MARCHF1: variants seen among roughly 807,000 people sequenced by gnomAD.
MARCHF1 encodes the protein membrane associated ring-CH-type finger 1.
Under a neutral mutation model 54.2 loss-of-function variants are expected in MARCHF1, and 40 were observed. The observed-to-expected ratio is 0.74, with a 90% CI of 0.57 to 0.96. The LOEUF is 0.96. Ranked by LOEUF, MARCHF1 falls within the 40% of genes least tolerant of loss-of-function variation. The pLI is 0.00. For missense variants in MARCHF1, 586 were observed against 656.5 expected (o/e 0.89, Z 1.17); for synonymous variants, 236 against 236.3 (o/e 1.00, Z 0.01).
chr4:164,204,467 T>G (rs1731551092), intron 1 of MARCHF1, among the ~76,000 whole-genome samples: 1 of 152,210 alleles, frequency 6.6e-6, no homozygotes, highest in African/African-American at 2.4e-5. Context: ...GGGAAAATAA[T>G]ATGAGCTTTT....
chr4:164,238,736 A>C (rs1732640554), intron 1 of MARCHF1, among the ~76,000 whole-genome samples: 1 of 152,010 alleles, frequency 6.6e-6, no homozygotes, highest in Non-Finnish European at 1.5e-5. Flanking sequence ...TAAATATATG[A>C]AACAAAACCC....
chr4:164,098,398 G>A (rs1056593766), intron 2 of MARCHF1, among the ~76,000 whole-genome samples: 16 of 152,142 alleles, frequency 1.1e-4, no homozygotes, highest in African/African-American at 3.9e-4. Context: ...AAGATCACCA[G>A]GAAGTGCTTG....
At chr4:163,882,829 G>T (rs1474577657) in intron 3 of MARCHF1, among the ~76,000 whole-genome samples, 1 of 151,998 alleles carries the variant, frequency 6.6e-6, no homozygotes, top group African/African-American at 2.4e-5. Flanking sequence ...AATTATCAGG[G>T]CGTGTGGTGC....
chr4:163,618,953 T>A (rs967882930), intron 5 of MARCHF1, among the ~76,000 whole-genome samples: 1 of 151,992 alleles, frequency 6.6e-6, no homozygotes, highest in Non-Finnish European at 1.5e-5. Flanking sequence ...GAGACGCCTG[T>A]CCAACACAAG....
At chr4:163,959,895 G>A (rs1211781837) in intron 3 of MARCHF1, among the ~76,000 whole-genome samples, 1 of 151,908 alleles carries the variant, frequency 6.6e-6, no homozygotes, top group Non-Finnish European at 1.5e-5. Flanking sequence ...CACAATGGGA[G>A]AAAATATTTG....
chr4:163,899,763 TACACACAC>T (rs70948674), intron 3 of MARCHF1, among the ~76,000 whole-genome samples: 11 of 148,838 alleles, frequency 7.4e-5, no homozygotes, highest in South Asian at 2.1e-4. Flanking sequence ...TCTCACCCAC[TACACACAC>T]ACACACACAC....
intron 2 of MARCHF1, among the ~76,000 whole-genome samples, chr4:164,036,483 A>T (rs1304319663): frequency 6.6e-6 from 1 of 152,214 alleles, no homozygotes; most frequent in Non-Finnish European, 1.5e-5. Flanking sequence ...TTAAATATAA[A>T]TATGTGGAAT....
intron 2 of MARCHF1, among the ~76,000 whole-genome samples, chr4:163,992,163 A>G (rs1175100979): frequency 8.5e-5 from 13 of 152,112 alleles, no homozygotes; most frequent in African/African-American, 2.9e-4. Context: ...CAAGGAACCA[A>G]GTAAACATCT....
intron 1 of MARCHF1, among the ~76,000 whole-genome samples, chr4:164,344,538 T>C (rs1277038600): frequency 6.6e-6 from 1 of 152,090 alleles, no homozygotes. Flanking sequence ...TCTGCACTGA[T>C]AAAATTTGAT....
At chr4:164,285,925 T>TA (rs896623892) in intron 1 of MARCHF1, among the ~76,000 whole-genome samples, 1 of 149,330 alleles carries the variant, frequency 6.7e-6, no homozygotes, top group African/African-American at 2.5e-5. Context: ...GAACTTCTCA[T>TA]AAAAAAATTA....
intron 5 of MARCHF1, among the ~76,000 whole-genome samples, chr4:163,623,627 T>C (rs141451477): frequency 8.7e-4 from 132 of 152,300 alleles, no homozygotes; most frequent in African/African-American, 3.1e-3. Flanking sequence ...GGTGGAAAAT[T>C]CTAAGAGATA....
At chr4:163,652,393 G>T (rs886657816) in intron 5 of MARCHF1, among the ~76,000 whole-genome samples, 11 of 151,748 alleles carry the variant, frequency 7.2e-5, no homozygotes, top group African/African-American at 2.7e-4. Flanking sequence ...TATTCACCAT[G>T]AGCTAGCCAT....
At chr4:163,750,949 A>T (rs1213470876) in intron 4 of MARCHF1, among the ~76,000 whole-genome samples, 1 of 152,084 alleles carries the variant, frequency 6.6e-6, no homozygotes, top group East Asian at 1.9e-4. Flanking sequence ...AAGGAAAAAA[A>T]TTATTGAACT....
intron 1 of MARCHF1, among the ~76,000 whole-genome samples, chr4:164,335,154 T>C (rs1009223253): frequency 2.0e-5 from 3 of 152,196 alleles, no homozygotes; most frequent in African/African-American, 7.2e-5. Context: ...GAAAAGGCAG[T>C]GGCAGGGTTT....
At chr4:163,962,489 T>C (rs1404572266) in intron 3 of MARCHF1, among the ~76,000 whole-genome samples, 1 of 151,890 alleles carries the variant, frequency 6.6e-6, no homozygotes, top group Non-Finnish European at 1.5e-5. Flanking sequence ...ATTTAAATGG[T>C]GTAAGGAATG....
At chr4:164,027,007 A>G (rs1753783733) in intron 2 of MARCHF1, among the ~76,000 whole-genome samples, 1 of 152,034 alleles carries the variant, frequency 6.6e-6, no homozygotes, top group Non-Finnish European at 1.5e-5. Flanking sequence ...AAAATGAAAT[A>G]CCTAGTAATA....
chr4:163,795,430 A>C (rs1208400216), intron 4 of MARCHF1, among the ~76,000 whole-genome samples: 2 of 152,026 alleles, frequency 1.3e-5, no homozygotes, highest in Non-Finnish European at 2.9e-5. Flanking sequence ...GGGTTTCACT[A>C]TGTTGGCCAG....
At chr4:163,788,361 T>C (rs1226710412) in intron 4 of MARCHF1, among the ~76,000 whole-genome samples, 1 of 152,012 alleles carries the variant, frequency 6.6e-6, no homozygotes, top group Non-Finnish European at 1.5e-5. Flanking sequence ...TAAATTAACA[T>C]TGGTATCATA....
intron 1 of MARCHF1, among the ~76,000 whole-genome samples, chr4:164,211,592 G>A (rs1731776260): frequency 6.6e-6 from 1 of 151,914 alleles, no homozygotes; most frequent in Non-Finnish European, 1.5e-5. Flanking sequence ...CAACAAATAT[G>A]TATAGAGTGT....
Sources: allele counts gnomAD v4.1 joint callset (sites outside exome capture counted in the v4.1 genomes callset), GRCh38; gene constraint gnomAD v4.1.1; transcripts MANE v1.5; gene names NCBI Gene and HGNC (gene_info 2026-07-23, HGNC 2026-07-21).